Variants in MNAT1 observed in about 807,000 individuals in gnomAD.
MNAT1 encodes the protein MNAT1 component of CDK activating kinase.
In MNAT1, 43 loss-of-function variants were observed where a neutral mutation model predicts 42.0. The ratio of observed to expected loss-of-function variants is 1.02; its 90% CI spans 0.80 to 1.32. MNAT1 has a LOEUF of 1.32. Among genes scored for constraint, MNAT1 ranks in the 40% most tolerant of loss-of-function variants. The pLI is 0.00. For missense variants in MNAT1, 306 were observed against 350.4 expected (o/e 0.87, Z 1.01); for synonymous variants, 118 against 120.0 (o/e 0.98, Z 0.11).
intron 7 of MNAT1, among the ~76,000 whole-genome samples, chr14:60,910,338 C>G (rs1327230180): frequency 6.6e-6 from 1 of 151,638 alleles, no homozygotes; most frequent in African/African-American, 2.4e-5. Context: ...CCTGATTGCC[C>G]TGGCCAGAAC....
At chr14:60,894,300 A>T (rs1422051043) in intron 7 of MNAT1, among the ~76,000 whole-genome samples, 3 of 148,528 alleles carry the variant, frequency 2.0e-5, no homozygotes, top group Non-Finnish European at 3.0e-5. Flanking sequence ...AAAATAATTT[A>T]TTTCCTCTTG....
At chr14:60,890,831 G>C (rs909495859) in intron 7 of MNAT1, among the ~76,000 whole-genome samples, 1 of 152,166 alleles carries the variant, frequency 6.6e-6, no homozygotes, top group Non-Finnish European at 1.5e-5. Context: ...TTGAGAATGC[G>C]TCTGCCTCTC....
chr14:60,805,141 G>A (rs1475970916), intron 3 of MNAT1, among the ~76,000 whole-genome samples: 2 of 151,990 alleles, frequency 1.3e-5, no homozygotes, highest in African/African-American at 2.4e-5. Flanking sequence ...TATAAATGTT[G>A]GGTATTAGTT....
At chr14:60,915,539 A>T (rs1014545869) in intron 7 of MNAT1, among the ~76,000 whole-genome samples, 1 of 152,122 alleles carries the variant, frequency 6.6e-6, no homozygotes, top group East Asian at 1.9e-4. Context: ...AATCTACCCT[A>T]TCTAGGGCTA....
intron 1 of MNAT1, among the ~76,000 whole-genome samples, chr14:60,762,502 C>A (rs1029087982): frequency 1.3e-5 from 2 of 151,810 alleles, no homozygotes; most frequent in African/African-American, 4.8e-5. Flanking sequence ...CCACTAATGT[C>A]ATCTCTACTA....
chr14:60,856,049 A>G (rs2033951830), intron 6 of MNAT1, among the ~76,000 whole-genome samples: 1 of 152,160 alleles, frequency 6.6e-6, no homozygotes, highest in Non-Finnish European at 1.5e-5. Context: ...GAACAGTCAC[A>G]TATGTCTGAC....
chr14:60,827,292 G>C (rs1483554529), intron 6 of MNAT1, among the ~76,000 whole-genome samples: 1 of 152,092 alleles, frequency 6.6e-6, no homozygotes, highest in Non-Finnish European at 1.5e-5. Flanking sequence ...TTTTAACCCT[G>C]ATGTTTGAAG....
chr14:60,884,803 A>G (rs1342830318), intron 7 of MNAT1, among the ~76,000 whole-genome samples: 1 of 152,014 alleles, frequency 6.6e-6, no homozygotes, highest in Non-Finnish European at 1.5e-5. Flanking sequence ...TTGTACCTTC[A>G]GGTGACTTCA....
intron 7 of MNAT1, among the ~76,000 whole-genome samples, chr14:60,885,569 C>T (rs911115680): frequency 2.0e-5 from 3 of 152,000 alleles, no homozygotes; most frequent in African/African-American, 7.2e-5. Context: ...GGGGAAATGA[C>T]TATTCAGGTC....
At chr14:60,932,355 A>G (rs1445474331) in intron 7 of MNAT1, among the ~76,000 whole-genome samples, 1 of 152,058 alleles carries the variant, frequency 6.6e-6, no homozygotes, top group Non-Finnish European at 1.5e-5. Flanking sequence ...GGTTCATCAT[A>G]AAATAATTAA....
chr14:60,952,040 C>G (rs1247500111), intron 7 of MNAT1, among the ~76,000 whole-genome samples: 6 of 152,100 alleles, frequency 3.9e-5, no homozygotes, highest in Admixed American at 3.9e-4. Context: ...CAAAATTTTC[C>G]TAGGAGCTGT....
Position 60,798,165 on chromosome 14 carries a change from G to A in MNAT1, c.316+5G>A, listed in dbSNP as rs752830107. Reference sequence around the variant, plus strand: ...TGGAAGAAGTGGAAGAAATTGGTACGTTTTTAATTTGATGTATGCTAGCCT... The same window carrying A: ...TGGAAGAAGTGGAAGAAATTGGTACATTTTTAATTTGATGTATGCTAGCCT... On this transcript the variant is annotated splice_donor_5th_base_variant and intron_variant, in intron 3 of 7. Transcript: ENST00000261245. 6 of 1,466,460 alleles carry A rather than the reference G, an allele frequency of 4.1e-6. No individual in the cohort carries two copies. The highest frequency in any genetic ancestry group is 1.1e-5 in the South Asian group (1 of 87,362). The allele number at this position is 1,466,460 out of a possible 1,614,324, so 90.8% of individuals were successfully genotyped here.
intron 1 of MNAT1, among the ~76,000 whole-genome samples, chr14:60,785,753 C>T (rs965308519): frequency 1.3e-5 from 2 of 152,140 alleles, no homozygotes; most frequent in Non-Finnish European, 1.5e-5. Context: ...TTCTTGTACT[C>T]ATCAAACATT....
intron 7 of MNAT1, among the ~76,000 whole-genome samples, chr14:60,916,696 A>T (rs1207814799): frequency 1.3e-5 from 2 of 152,166 alleles, no homozygotes; most frequent in Non-Finnish European, 2.9e-5. Context: ...TTATGCCTGT[A>T]ATCCTAGCAC....
intron 7 of MNAT1, among the ~76,000 whole-genome samples, chr14:60,914,300 C>T (rs182549788): frequency 7.2e-4 from 109 of 152,308 alleles, no homozygotes; most frequent in Non-Finnish European, 1.2e-3. Context: ...TGCCCTGCTT[C>T]GGCTCAAGCA....
At chr14:60,950,859 A>C (rs1438909794) in intron 7 of MNAT1, among the ~76,000 whole-genome samples, 1 of 152,222 alleles carries the variant, frequency 6.6e-6, no homozygotes, top group African/African-American at 2.4e-5. Context: ...TCAGAACCTA[A>C]TTTAGTTTTA....
intron 6 of MNAT1, among the ~76,000 whole-genome samples, chr14:60,821,258 A>G (rs1354191092): frequency 1.3e-5 from 2 of 152,206 alleles, no homozygotes; most frequent in Non-Finnish European, 1.5e-5. Flanking sequence ...TTAGGATTAC[A>G]GGCATGGGCT....
chr14:60,957,521 G>T (rs76033478), intron 7 of MNAT1, among the ~76,000 whole-genome samples: 23 of 152,104 alleles, frequency 1.5e-4, no homozygotes, highest in Non-Finnish European at 1.5e-5. Flanking sequence ...ATCTGCTCCC[G>T]TGATTCATTT....
At chr14:60,815,506 C>T (rs924046765) in intron 5 of MNAT1, among the ~76,000 whole-genome samples, 2 of 152,178 alleles carry the variant, frequency 1.3e-5, no homozygotes, top group South Asian at 2.1e-4. Flanking sequence ...TGAGCCACCG[C>T]GCCCAGCCGC....
Sources: allele counts gnomAD v4.1 joint callset (sites outside exome capture counted in the v4.1 genomes callset), GRCh38; gene constraint gnomAD v4.1.1; transcripts MANE v1.5; gene names NCBI Gene and HGNC (gene_info 2026-07-23, HGNC 2026-07-21).